The following DNAH11 variants were observed in gnomAD, a reference collection of about 807,000 sequenced individuals.
The protein encoded by DNAH11 is dynein axonemal heavy chain 11.
Under a neutral mutation model 526.0 loss-of-function variants are expected in DNAH11, and 442 were observed. That is an observed-to-expected ratio of 0.84 (90% CI 0.78 to 0.91). The LOEUF (loss-of-function observed/expected upper bound fraction) is 0.91, where lower values mean the gene tolerates loss of function less well. Among genes scored for constraint, DNAH11 ranks in the 40% least tolerant of loss-of-function variants. The pLI is 0.00. For synonymous variants in DNAH11, 2,461 were observed against 1,935.9 expected (o/e 1.27, Z -7.12); for missense variants, 6,989 against 5,448.7 (o/e 1.28, Z -8.90).
chr7:21,873,375 G>A lies in DNAH11; in HGVS notation c.12069G>A (p.Glu4023=), dbSNP rs371991187. ...HRDYRVFMSA[E]SAPTPDEHII... ...ATTACAGGGTTTTCATGAGTGCTGA[G>A]TCTGCACCTACACCAGATGAGCATA... is the stretch of plus-strand genomic sequence containing the variant. Residue 4023 remains glutamate (E), a synonymous_variant, in exon 74 of 82, where the codon GAG becomes GAA. Coordinates refer to ENST00000409508, the MANE Select transcript of DNAH11 (RefSeq NM_001277115.2). 8.1e-6 allele frequency: 13 copies of A among 1,613,802 alleles called. No homozygotes were observed. Among genetic ancestry groups the A allele is most frequent in the Non-Finnish European group, 5.1e-6 (6 of 1,179,872 alleles).
At chr7:21,824,615 A>G (rs1267752453) in intron 65 of DNAH11, among the ~76,000 whole-genome samples, 2 of 152,208 alleles carry the variant, frequency 1.3e-5, no homozygotes, top group African/African-American at 2.4e-5. Flanking sequence ...TATGCTCAAC[A>G]TCATTAGTCA....
At position 21,900,882 on chromosome 7, in the gene DNAH11, CCACTGACAAGCAAAAAT is replaced by C. The variant is rs942473484; in HGVS notation, c.13304-124_13304-108del. 15 of 1,450,568 alleles carry C rather than the reference CCACTGACAAGCAAAAAT, an allele frequency of 1.0e-5. No homozygotes were observed. In the Admixed American group the frequency reaches 3.3e-4, roughly 32 times the overall value. The allele number at this position is 1,450,568 out of a possible 1,614,324, so 89.9% of individuals were successfully genotyped here. On this transcript the variant is annotated intron_variant, in intron 81 of 81. Transcript: ENST00000409508. ...CAGTCCGGCCAGCTCAGTAAAAATA[CCACTGACAAGCAAAAAT>C]ATGACAAAACCAGAATGTTGAATGT...
At chr7:21,650,208 C>T (rs949831748) in intron 28 of DNAH11, among the ~76,000 whole-genome samples, 7 of 152,050 alleles carry the variant, frequency 4.6e-5, no homozygotes, top group African/African-American at 9.7e-5. Flanking sequence ...CACTGATATA[C>T]GGATATGTTT....
At chr7:21,670,918 A>G (rs1351925640) in intron 30 of DNAH11, among the ~76,000 whole-genome samples, 1 of 151,464 alleles carries the variant, frequency 6.6e-6, no homozygotes, top group Non-Finnish European at 1.5e-5. Context: ...TCTATTTGCT[A>G]TTATTTTGTT....
chr7:21,769,850 A>G (rs1787347877), intron 55 of DNAH11, among the ~76,000 whole-genome samples: 1 of 152,094 alleles, frequency 6.6e-6, no homozygotes, highest in Admixed American at 6.6e-5. Flanking sequence ...TTTCTGGCAG[A>G]GAACCATTGA....
At chr7:21,763,353 A>AAAAAAAAACAGAAG in intron 54 of DNAH11, among the ~76,000 whole-genome samples, 1 of 56,964 alleles carries the variant, frequency 1.8e-5, no homozygotes, top group Non-Finnish European at 2.8e-5. Context: ...AAAAAAAAAA[A>AAAAAAAAACAGAAG]AAAGAAAAAA....
chr7:21,842,526 G>T lies in DNAH11; in HGVS notation c.10692-18G>T. On this transcript the variant is annotated intron_variant, in intron 65 of 81. Transcript: ENST00000409508. ...GGTCATAGGAGTCTCCTGAAAGTCT[G>T]TGTTTTGCTCCGTTTAGGTATATCA... 1.2e-6 allele frequency: 2 copies of T among 1,607,152 alleles called. No homozygotes were observed. Among genetic ancestry groups the T allele is most frequent in the Non-Finnish European group, 1.7e-6 (2 of 1,174,936 alleles).
chr7:21,785,639 T>C (rs568386582), intron 58 of DNAH11, among the ~76,000 whole-genome samples: 62 of 152,352 alleles, frequency 4.1e-4, no homozygotes, highest in African/African-American at 1.4e-3. Flanking sequence ...CAAATTTTTC[T>C]CTGAATAATT....
chr7:21,867,845 C>G lies in DNAH11; in HGVS notation c.11691-14C>G. The G allele has an allele frequency of 2.0e-6, 3 of 1,520,602 alleles. No homozygotes were observed. Among genetic ancestry groups the G allele is most frequent in the Non-Finnish European group, 2.7e-6 (3 of 1,120,484 alleles). The allele number at this position is 1,520,602 out of a possible 1,614,324, so 94.2% of individuals were successfully genotyped here. ...AAACCACTGATCATGTTTTTATATT[C>G]TTGTTTTTTATAGAAATTTTGTAGA... On this transcript the variant is annotated splice_polypyrimidine_tract_variant and intron_variant, in intron 71 of 81. Coordinates refer to ENST00000409508, the MANE Select transcript of DNAH11 (RefSeq NM_001277115.2).
At chr7:21,690,913 G>A in intron 35 of DNAH11, 32 bp downstream of exon 35, 1 of 1,483,594 alleles carries the variant, frequency 6.7e-7, no homozygotes, top group Non-Finnish European at 9.4e-7. Context: ...TTAGCATCTG[G>A]TGCACTCATG....
chr7:21,703,509 G>A (rs1784142933), intron 37 of DNAH11: 1 of 152,330 alleles, frequency 6.6e-6, no homozygotes, highest in African/African-American at 2.4e-5. Context: ...GGAAGGCAAG[G>A]GGCAAGCACG....
chr7:21,640,110 G>A (rs1787054996), intron 28 of DNAH11, among the ~76,000 whole-genome samples: 1 of 152,134 alleles, frequency 6.6e-6, no homozygotes, highest in African/African-American at 2.4e-5. Flanking sequence ...GACAATTTGG[G>A]CAACAGGTTC....
intron 11 of DNAH11, among the ~76,000 whole-genome samples, chr7:21,588,858 C>G (rs1232190589): frequency 6.6e-6 from 1 of 151,908 alleles, no homozygotes; most frequent in Non-Finnish European, 1.5e-5. Context: ...TCCTTTTTTT[C>G]TTTTTCCTTG....
intron 2 of DNAH11, among the ~76,000 whole-genome samples, chr7:21,547,604 G>A (rs1219253203): frequency 2.0e-5 from 3 of 152,064 alleles, no homozygotes; most frequent in African/African-American, 4.8e-5. Context: ...CTTAATTTTT[G>A]ATTTCCCAAT....
At chr7:21,855,817 G>A (rs1782824247) in intron 68 of DNAH11, among the ~76,000 whole-genome samples, 1 of 151,990 alleles carries the variant, frequency 6.6e-6, no homozygotes, top group Non-Finnish European at 1.5e-5. Context: ...TCTATATGTA[G>A]ATACATATAG....
At chr7:21,705,764 A>G (rs1014549164) in intron 39 of DNAH11, among the ~76,000 whole-genome samples, 5 of 152,208 alleles carry the variant, frequency 3.3e-5, no homozygotes, top group African/African-American at 4.8e-5. Flanking sequence ...TTGCATTCAC[A>G]TAGGAAAAGC....
At chr7:21,648,322 G>A (rs1056064343) in intron 28 of DNAH11, among the ~76,000 whole-genome samples, 2 of 152,192 alleles carry the variant, frequency 1.3e-5, no homozygotes, top group Non-Finnish European at 1.5e-5. Context: ...TGATGTGGCC[G>A]TATTGATCAA....
chr7:21,867,012 A>G (rs905848551), intron 71 of DNAH11, among the ~76,000 whole-genome samples: 2 of 152,226 alleles, frequency 1.3e-5, no homozygotes, highest in Non-Finnish European at 2.9e-5. Flanking sequence ...GTTTTCTTTC[A>G]GTGATGGCAT....
chr7:21,838,243 T>C (rs944739494), intron 65 of DNAH11, among the ~76,000 whole-genome samples: 1 of 152,240 alleles, frequency 6.6e-6, no homozygotes, highest in African/African-American at 2.4e-5. Flanking sequence ...TATCCTGTGA[T>C]ACACATTGCT....
Sources: allele counts gnomAD v4.1 joint callset (sites outside exome capture counted in the v4.1 genomes callset), GRCh38; gene constraint gnomAD v4.1.1; transcripts MANE v1.5; gene names NCBI Gene and HGNC (gene_info 2026-07-23, HGNC 2026-07-21).